SPAG9: variants seen among roughly 807,000 people sequenced by gnomAD.
The protein encoded by SPAG9 is sperm associated antigen 9.
A neutral mutation model predicts 166.5 loss-of-function variants in SPAG9; 35 were observed. The ratio of observed to expected loss-of-function variants is 0.21; its 90% CI spans 0.16 to 0.28. The LOEUF (loss-of-function observed/expected upper bound fraction) is 0.28. Ranked by LOEUF, SPAG9 falls within the 10% of genes least tolerant of loss-of-function variation. The pLI is 1.00. For synonymous variants in SPAG9, 534 were observed against 565.5 expected, an observed-to-expected ratio of 0.94 and a Z score of 0.79; for missense variants, 1,235 against 1,603.3, an observed-to-expected ratio of 0.77 and a Z score of 3.92.
At chr17:51,045,123 T>C (rs1170522628) in intron 4 of SPAG9, among the ~76,000 whole-genome samples, 1 of 152,172 alleles carries the variant, frequency 6.6e-6, no homozygotes. Flanking sequence ...ATTAAGCAAC[T>C]TGCCAAAGCT....
chr17:51,029,460 G>A (rs1011672644), intron 6 of SPAG9, among the ~76,000 whole-genome samples: 5 of 152,114 alleles, frequency 3.3e-5, no homozygotes, highest in African/African-American at 7.2e-5. Context: ...TCACTTCTGG[G>A]TATGTATTCA....
chr17:51,110,808 C>T (rs1254189765), intron 1 of SPAG9, among the ~76,000 whole-genome samples: 1 of 151,970 alleles, frequency 6.6e-6, no homozygotes, highest in African/African-American at 2.4e-5. Flanking sequence ...CTACTGAATG[C>T]TGTAATTCTT....
intron 1 of SPAG9, among the ~76,000 whole-genome samples, chr17:51,103,758 G>A (rs2048867983): frequency 6.6e-6 from 1 of 152,178 alleles, no homozygotes; most frequent in South Asian, 2.1e-4. Context: ...GGAATGATCT[G>A]ATCAGATTTC....
At chr17:51,107,133 T>C (rs2048975492) in intron 1 of SPAG9, among the ~76,000 whole-genome samples, 1 of 151,076 alleles carries the variant, frequency 6.6e-6, no homozygotes, top group African/African-American at 2.4e-5. Context: ...GAACAGAGCC[T>C]GGCTCAATAA....
intron 5 of SPAG9, chr17:51,040,324 T>G (rs1201633612): frequency 1.3e-5 from 2 of 151,722 alleles, no homozygotes; most frequent in Non-Finnish European, 2.9e-5. Context: ...CACTATTAGC[T>G]TCTAACAAAT....
At chr17:51,100,230 C>G (rs949226622) in intron 1 of SPAG9, among the ~76,000 whole-genome samples, 1 of 152,178 alleles carries the variant, frequency 6.6e-6, no homozygotes, top group Non-Finnish European at 1.5e-5. Flanking sequence ...TAATTCCTGG[C>G]CCTTGGCTAG....
chr17:51,070,078 A>C (rs1486355630), intron 2 of SPAG9, among the ~76,000 whole-genome samples: 1 of 151,756 alleles, frequency 6.6e-6, no homozygotes, highest in East Asian at 1.9e-4. Context: ...CTCTTAAAAA[A>C]AAAAACAAAA....
intron 1 of SPAG9, among the ~76,000 whole-genome samples, chr17:51,092,751 C>CAAAAAAA (rs200338786): frequency 1.8e-5 from 1 of 54,138 alleles, no homozygotes; most frequent in Non-Finnish European, 4.1e-5. Flanking sequence ...CTTGTCTCTA[C>CAAAAAAA]AAAAAAAAAA....
chr17:51,079,529 A>C, intron 2 of SPAG9, 55 bp downstream of exon 2: 2 of 1,576,894 alleles, frequency 1.3e-6, no homozygotes, highest in Non-Finnish European at 1.7e-6. Context: ...GTGAGCCACC[A>C]CGTCTGGCCA....
chr17:51,060,993 G>A (rs1458277775), intron 2 of SPAG9, among the ~76,000 whole-genome samples: 2 of 151,316 alleles, frequency 1.3e-5, no homozygotes, highest in East Asian at 2.0e-4. Context: ...GACTATAGGC[G>A]TGCACCACCA....
chr17:51,092,416 T>C (rs1234608470), intron 1 of SPAG9, among the ~76,000 whole-genome samples: 1 of 152,138 alleles, frequency 6.6e-6, no homozygotes, highest in Non-Finnish European at 1.5e-5. Context: ...CTTGTTTAGA[T>C]ACTGATTGAA....
intron 9 of SPAG9, among the ~76,000 whole-genome samples, chr17:51,011,388 T>TC (rs1018977118): frequency 1.1e-4 from 16 of 151,256 alleles, no homozygotes; most frequent in African/African-American, 3.9e-4. Flanking sequence ...CCAAGGACTT[T>TC]TTTTTTTTTT....
chr17:51,081,486 G>A (rs961977531), intron 1 of SPAG9, among the ~76,000 whole-genome samples: 2 of 152,026 alleles, frequency 1.3e-5, no homozygotes, highest in Non-Finnish European at 2.9e-5. Context: ...ACTCATGCCT[G>A]TAATCCCAGC....
rs2045356829 is a variant in SPAG9, at chr17:51,009,193, T to G, written c.1214-1867A>C. ...TGAATGAGAATCTCAATTAGATTGT[T>G]TTCAGAAAGCAAGAACTAAACTCAT... is the stretch of plus-strand genomic sequence containing the variant. On this transcript the variant is annotated intron_variant, in intron 9 of 29. Coordinates refer to ENST00000262013, the MANE Select transcript of SPAG9 (RefSeq NM_001130528.3). 4.4e-5 allele frequency: 20 copies of G among 450,182 alleles called. 1 individual carries two copies. Among genetic ancestry groups the G allele is most frequent in the Middle Eastern group, 3.3e-4 (1 of 3,062 alleles). 27.9% of individuals were successfully genotyped at this position (450,182 alleles called of 1,614,324 possible).
At chr17:51,089,665 C>T (rs8069156) in intron 1 of SPAG9, among the ~76,000 whole-genome samples, 9,296 of 42,094 alleles carry the variant, frequency 0.22, 569 homozygotes, top group Non-Finnish European at 0.32. Flanking sequence ...TATATATATA[C>T]ACATACACAC....
At chr17:51,051,240 C>G (rs979558998) in intron 3 of SPAG9, among the ~76,000 whole-genome samples, 2 of 152,150 alleles carry the variant, frequency 1.3e-5, no homozygotes, top group African/African-American at 2.4e-5. Flanking sequence ...TCCCAGGTAG[C>G]TGGGATTACA....
In SPAG9 at chr17:51,120,765, C is replaced by T; in HGVS notation, c.-109G>A. On this transcript the variant is annotated 5_prime_UTR_variant, in exon 1 of 30. Coordinates refer to ENST00000262013, the MANE Select transcript of SPAG9 (RefSeq NM_001130528.3). The surrounding 1 kb of genome is among the most constrained non-coding windows in gnomAD (Gnocchi z 4.7). ...CTGGGACGGGTACTAGGGCTGGAGC[C>T]CGGGCCGGGGCTGGGGCTGGGCCCG... 2.0e-6 allele frequency: 2 copies of T among 988,070 alleles called. No individual in the cohort carries two copies. The highest frequency in any genetic ancestry group is 2.8e-6 in the Non-Finnish European group (2 of 710,956). The allele number at this position is 988,070 out of a possible 1,614,324, so 61.2% of individuals were successfully genotyped here.
At position 51,075,348 on chromosome 17, in the gene SPAG9, TTAGA is replaced by T. The variant is rs1361153883; in HGVS notation, c.424+4232_424+4235del. Among the ~76,000 whole-genome samples, 4 of 152,088 alleles carry T rather than the reference TTAGA, an allele frequency of 2.6e-5. No individual in the cohort carries two copies. In the East Asian group the frequency reaches 7.7e-4, roughly 29 times the overall value. On this transcript the variant is annotated intron_variant, in intron 2 of 29. Coordinates refer to ENST00000262013, the MANE Select transcript of SPAG9 (RefSeq NM_001130528.3). The stretch of plus-strand genomic sequence containing the variant: ...TGAAATAATTAGTAATTCATTCCAC[TTAGA>T]TACTTTTGGGAAAAAAAGAAGCAGT...
At chr17:50,993,067 G>A (rs531815397) in intron 19 of SPAG9, among the ~76,000 whole-genome samples, 2 of 145,178 alleles carry the variant, frequency 1.4e-5, no homozygotes, top group South Asian at 2.2e-4. Flanking sequence ...CTGCACTCCA[G>A]TGTGAGTGAC....
Sources: gnomAD v4.1 joint callset for allele counts (sites outside exome capture counted in the v4.1 genomes callset) on GRCh38, gnomAD v4.1.1 for gene constraint, Gnocchi (gnomAD v3.1) non-coding constraint, MANE v1.5 for transcripts, NCBI Gene and HGNC (gene_info 2026-07-23, HGNC 2026-07-21) for gene names.